Variants in CERT1 observed in about 807,000 individuals in gnomAD.
CERT1 encodes the protein ceramide transfer protein.
Under a neutral mutation model 87.9 loss-of-function variants are expected in CERT1, and 31 were observed. That is an observed-to-expected ratio of 0.35 (90% CI 0.27 to 0.48). The LOEUF is 0.48. Ranked by LOEUF, CERT1 falls within the 20% of genes least tolerant of loss-of-function variation. The pLI is 0.99. For synonymous variants in CERT1, 289 were observed against 250.9 expected (o/e 1.15, Z -1.44); for missense variants, 487 against 758.0 (o/e 0.64, Z 4.20).
chr5:75,369,433 AAGCATGTT>A (rs1272626330), intron 17 of CERT1: 1 of 152,212 alleles, frequency 6.6e-6, no homozygotes, highest in Non-Finnish European at 1.5e-5. Context: ...GCTAGTCTTC[AAGCATGTT>A]AGCTCTTTCT....
chr5:75,467,646 AAAAG>A (rs1486430110), intron 2 of CERT1, among the ~76,000 whole-genome samples: 2 of 106,784 alleles, frequency 1.9e-5, no homozygotes, highest in East Asian at 3.6e-4. Flanking sequence ...GTCTCCAAAA[AAAAG>A]AAAAAAAAAA....
chr5:75,401,078 G>C (rs1050482497), intron 9 of CERT1: 1 of 152,152 alleles, frequency 6.6e-6, no homozygotes, highest in Non-Finnish European at 1.5e-5. Context: ...CTATGGAACT[G>C]ATTTTATGGA....
At chr5:75,419,279 A>G in intron 6 of CERT1, 62 bp downstream of exon 6, 2 of 1,054,864 alleles carry the variant, frequency 1.9e-6, no homozygotes, top group Non-Finnish European at 2.8e-6. Context: ...ATTTCTTGTG[A>G]GTTGTTACAT....
intron 2 of CERT1, among the ~76,000 whole-genome samples, chr5:75,478,695 A>C (rs1423884887): frequency 6.6e-6 from 1 of 152,086 alleles, no homozygotes; most frequent in East Asian, 1.9e-4. Flanking sequence ...CCCTAAAGTA[A>C]GCACTATCAA....
At chr5:75,479,825 T>C (rs1204863804) in intron 2 of CERT1, among the ~76,000 whole-genome samples, 6 of 152,184 alleles carry the variant, frequency 3.9e-5, no homozygotes, top group South Asian at 2.1e-4. Context: ...AATTGCTGGG[T>C]TGAATGGTAG....
chr5:75,448,053 A>T (rs1764629083), intron 3 of CERT1, among the ~76,000 whole-genome samples: 1 of 152,250 alleles, frequency 6.6e-6, no homozygotes, highest in South Asian at 2.1e-4. Flanking sequence ...ACTTGTAAAC[A>T]TTGTTAGAGC....
chr5:75,487,992 G>A (rs554807662), intron 2 of CERT1, among the ~76,000 whole-genome samples: 1 of 152,136 alleles, frequency 6.6e-6, no homozygotes, highest in South Asian at 2.1e-4. Context: ...TAATTTGTGT[G>A]AGGTAAAAAT....
downstream of CERT1, chr5:75,373,960 C>A (rs1199643171): frequency 2.5e-6 from 1 of 395,586 alleles, no homozygotes; most frequent in East Asian, 3.6e-5. Context: ...TAGCCATATA[C>A]ATGTAATTTT....
intron 3 of CERT1, among the ~76,000 whole-genome samples, chr5:75,442,603 T>G (rs1215132907): frequency 6.6e-6 from 1 of 152,210 alleles, no homozygotes; most frequent in East Asian, 1.9e-4. Context: ...GGCATAAAAT[T>G]TTTCATAATG....
At chr5:75,410,380 C>T (rs1246376631) in intron 8 of CERT1, among the ~76,000 whole-genome samples, 3 of 151,930 alleles carry the variant, frequency 2.0e-5, no homozygotes, top group East Asian at 3.9e-4. Context: ...GAGGCTGAGG[C>T]GGGCGGATCA....
intron 11 of CERT1, among the ~76,000 whole-genome samples, chr5:75,395,212 C>T (rs1561230974): frequency 6.6e-6 from 1 of 152,110 alleles, no homozygotes; most frequent in Non-Finnish European, 1.5e-5. Context: ...AAGGTGACAC[C>T]TTTAAATGTG....
chr5:75,458,530 A>C (rs6874781), intron 3 of CERT1, among the ~76,000 whole-genome samples: 4 of 151,980 alleles, frequency 2.6e-5, no homozygotes, highest in African/African-American at 9.7e-5. Flanking sequence ...TATATTTTTG[A>C]TGTAGTTAAC....
At chr5:75,472,724 C>T (rs1477380451) in intron 2 of CERT1, among the ~76,000 whole-genome samples, 1 of 152,082 alleles carries the variant, frequency 6.6e-6, no homozygotes, top group East Asian at 1.9e-4. Context: ...GATATTATCT[C>T]CTGTTGAAAT....
intron 2 of CERT1, among the ~76,000 whole-genome samples, chr5:75,463,408 G>A (rs1765321575): frequency 6.6e-6 from 1 of 152,034 alleles, no homozygotes; most frequent in Non-Finnish European, 1.5e-5. Flanking sequence ...AAGAATGCAT[G>A]CTACAGGAAA....
chr5:75,418,607 AG>A (rs1449423677), intron 6 of CERT1, among the ~76,000 whole-genome samples: 1 of 152,228 alleles, frequency 6.6e-6, no homozygotes, highest in African/African-American at 2.4e-5. Context: ...ATGAATGACT[AG>A]ATACACAAAC....
chr5:75,431,525 C>T (rs559284920), intron 3 of CERT1, among the ~76,000 whole-genome samples: 2 of 152,184 alleles, frequency 1.3e-5, no homozygotes, highest in Non-Finnish European at 2.9e-5. Flanking sequence ...TGGCATCACC[C>T]ACCTGATCCC....
rs1762520316 is a variant in CERT1 at position 75,402,110 on chromosome 5, C to G, written c.1017+862G>C. 2 of 152,126 alleles carry G rather than the reference C, an allele frequency of 1.3e-5. 1 individual carries two copies. The highest frequency in any genetic ancestry group is 4.1e-4 in the South Asian group (2 of 4,822). 9.4% of individuals were successfully genotyped at this position (152,126 alleles called of 1,614,324 possible). On this transcript the variant is annotated intron_variant, in intron 9 of 16. Coordinates refer to ENST00000643780, the MANE Select transcript of CERT1 (RefSeq NM_001379029.1). Reference sequence around the variant, plus strand: ...AATGGGTTTAAGAAATACTTTTCTTCAATTTCCACAGCAGCTGGGTGTAAC... The same window carrying G: ...AATGGGTTTAAGAAATACTTTTCTTGAATTTCCACAGCAGCTGGGTGTAAC...
chr5:75,434,990 C>T (rs1764029017), intron 3 of CERT1, among the ~76,000 whole-genome samples: 1 of 152,072 alleles, frequency 6.6e-6, no homozygotes. Flanking sequence ...TTCAGATCAG[C>T]TCTCATTTTA....
chr5:75,496,707 A>G (rs1767086380), intron 2 of CERT1, among the ~76,000 whole-genome samples: 1 of 152,264 alleles, frequency 6.6e-6, no homozygotes, highest in South Asian at 2.1e-4. Context: ...GTAAGTTAAA[A>G]GCCAGACACA....
Sources: gnomAD v4.1 joint callset for allele counts (sites outside exome capture counted in the v4.1 genomes callset) on GRCh38, gnomAD v4.1.1 for gene constraint, MANE v1.5 for transcripts, NCBI Gene and HGNC (gene_info 2026-07-23, HGNC 2026-07-21) for gene names.